Variants in TTC29 observed in about 807,000 individuals in gnomAD.
TTC29 encodes the protein tetratricopeptide repeat domain 29.
A neutral mutation model predicts 58.1 loss-of-function variants in TTC29; 49 were observed. That is an observed-to-expected ratio of 0.84 (90% CI 0.67 to 1.07). The LOEUF (loss-of-function observed/expected upper bound fraction) is 1.07. TTC29 is among the 50% of genes least tolerant of loss of function. TTC29 has a pLI of 0.00. For missense variants in TTC29, 582 were observed against 555.6 expected, an observed-to-expected ratio of 1.05 and a Z score of -0.48; for synonymous variants, 209 against 196.8, an observed-to-expected ratio of 1.06 and a Z score of -0.52.
intron 6 of TTC29, among the ~76,000 whole-genome samples, chr4:146,879,017 G>C (rs72733728): frequency 0.056 from 8,508 of 152,114 alleles, 385 homozygotes; most frequent in East Asian, 0.13. Flanking sequence ...CTGATTAGTA[G>C]TATTTTAAAT....
At chr4:146,876,475 G>C (rs1357653055) in intron 6 of TTC29, among the ~76,000 whole-genome samples, 3 of 152,162 alleles carry the variant, frequency 2.0e-5, no homozygotes, top group Non-Finnish European at 4.4e-5. Flanking sequence ...TCATTGAATA[G>C]TGTGGGTTGG....
chr4:146,708,969 C>T (rs1247492222), intron 11 of TTC29, among the ~76,000 whole-genome samples: 4 of 151,948 alleles, frequency 2.6e-5, no homozygotes, highest in African/African-American at 9.7e-5. Context: ...CTTTCAGGAC[C>T]CTTGCCCTTC....
Position 146,756,733 on chromosome 4 carries a change from CT to C in TTC29, c.1330+46723del, listed in dbSNP as rs555088431. ...GTCTTTGTTCATGTATTTTTTTATT[CT>C]TTTTTTTTTGTCTTTGTTGGGTTGG... is the stretch of plus-strand genomic sequence containing the variant. On this transcript the variant is annotated intron_variant, in intron 11 of 12. Coordinates refer to ENST00000325106, the MANE Select transcript of TTC29 (RefSeq NM_031956.4). 9.4e-4 allele frequency among the ~76,000 whole-genome samples: 138 copies of C among 146,986 alleles called. 1 individual carries two copies. Among genetic ancestry groups the C allele is most frequent in the African/African-American group, 2.9e-3 (116 of 40,198 alleles).
intron 11 of TTC29, among the ~76,000 whole-genome samples, chr4:146,750,461 T>G (rs1220087958): frequency 6.6e-6 from 1 of 152,192 alleles, no homozygotes; most frequent in Non-Finnish European, 1.5e-5. Flanking sequence ...TGGTGGTATG[T>G]TAATCACATA....
intron 11 of TTC29, among the ~76,000 whole-genome samples, chr4:146,720,761 A>C (rs940985073): frequency 2.0e-5 from 3 of 152,142 alleles, no homozygotes; most frequent in Non-Finnish European, 2.9e-5. Flanking sequence ...ATAATAATGA[A>C]TAAGACAGAG....
chr4:146,881,595 C>G (rs1731628505), intron 6 of TTC29, among the ~76,000 whole-genome samples: 1 of 152,028 alleles, frequency 6.6e-6, no homozygotes. Flanking sequence ...TTTGCAAAAA[C>G]AAAAGACACT....
At chr4:146,721,722 C>T (rs1356613453) in intron 11 of TTC29, among the ~76,000 whole-genome samples, 2 of 151,860 alleles carry the variant, frequency 1.3e-5, no homozygotes, top group East Asian at 1.9e-4. Flanking sequence ...GGGTTTGAAA[C>T]GCCAGATTAA....
chr4:146,913,422 G>A (rs775377080), intron 4 of TTC29, among the ~76,000 whole-genome samples: 1 of 151,924 alleles, frequency 6.6e-6, no homozygotes, highest in Non-Finnish European at 1.5e-5. Context: ...CTAGCTCCAC[G>A]TCCACAGGAG....
intron 11 of TTC29, among the ~76,000 whole-genome samples, chr4:146,743,248 A>C (rs571632582): frequency 3.3e-5 from 5 of 152,304 alleles, no homozygotes; most frequent in Non-Finnish European, 5.9e-5. Flanking sequence ...AATTTCATGA[A>C]GACAGATTTC....
chr4:146,866,899 A>G (rs142106573), intron 8 of TTC29, among the ~76,000 whole-genome samples: 2 of 152,308 alleles, frequency 1.3e-5, no homozygotes, highest in East Asian at 3.9e-4. Flanking sequence ...GACTTCAGTT[A>G]TAATTCAGGA....
chr4:146,866,140 G>A (rs1730547109), intron 8 of TTC29, among the ~76,000 whole-genome samples: 1 of 152,190 alleles, frequency 6.6e-6, no homozygotes, highest in African/African-American at 2.4e-5. Flanking sequence ...TGAGTACAGG[G>A]AAGGAAAGAA....
chr4:146,854,252 G>A (rs1037551253), intron 8 of TTC29, among the ~76,000 whole-genome samples: 2 of 152,104 alleles, frequency 1.3e-5, no homozygotes, highest in Non-Finnish European at 2.9e-5. Context: ...CCCGAACCAA[G>A]TCGTCAAGGT....
chr4:146,849,804 AG>A (rs1729404521), intron 8 of TTC29, among the ~76,000 whole-genome samples: 1 of 152,004 alleles, frequency 6.6e-6, no homozygotes, highest in Non-Finnish European at 1.5e-5. Context: ...TGCCACCTTA[AG>A]GCTTTTGCCC....
chr4:146,900,497 T>A (rs1399815898), intron 6 of TTC29, among the ~76,000 whole-genome samples: 1 of 152,142 alleles, frequency 6.6e-6, no homozygotes, highest in Non-Finnish European at 1.5e-5. Context: ...TCCAACCTCA[T>A]CCTTTCCCTC....
intron 11 of TTC29, among the ~76,000 whole-genome samples, chr4:146,754,656 T>A: frequency 6.6e-6 from 1 of 152,124 alleles, no homozygotes; most frequent in East Asian, 1.9e-4. Flanking sequence ...ATTAACAGAA[T>A]GAAAGATTAA....
intron 11 of TTC29, among the ~76,000 whole-genome samples, chr4:146,762,875 T>C (rs1365596582): frequency 2.0e-5 from 3 of 152,084 alleles, no homozygotes; most frequent in Non-Finnish European, 4.4e-5. Flanking sequence ...ATGCCCATAA[T>C]TTACAATGTG....
At chr4:146,923,147 A>G (rs1734703247) in intron 4 of TTC29, among the ~76,000 whole-genome samples, 1 of 151,896 alleles carries the variant, frequency 6.6e-6, no homozygotes, top group Admixed American at 6.6e-5. Context: ...GCCCAGAAAG[A>G]CTGCAGAGGA....
chr4:146,919,920 T>C (rs541575162), intron 4 of TTC29, among the ~76,000 whole-genome samples: 8 of 151,290 alleles, frequency 5.3e-5, no homozygotes, highest in African/African-American at 1.9e-4. Flanking sequence ...TTTTTTTTAC[T>C]AAAGTATGTC....
chr4:146,749,539 A>C (rs1745814404), intron 11 of TTC29, among the ~76,000 whole-genome samples: 1 of 152,114 alleles, frequency 6.6e-6, no homozygotes, highest in African/African-American at 2.4e-5. Flanking sequence ...CATAGTATTA[A>C]ATTTACTTAT....
Sources: allele counts gnomAD v4.1 joint callset (sites outside exome capture counted in the v4.1 genomes callset), GRCh38; gene constraint gnomAD v4.1.1; transcripts MANE v1.5; gene names NCBI Gene and HGNC (gene_info 2026-07-23, HGNC 2026-07-21).